CYFIP1: variants seen among roughly 807,000 people sequenced by gnomAD.
CYFIP1 encodes the protein cytoplasmic FMR1-interacting protein 1.
Under a neutral mutation model 163.5 loss-of-function variants are expected in CYFIP1, and 58 were observed. The ratio of observed to expected loss-of-function variants is 0.35; its 90% CI spans 0.29 to 0.44. The LOEUF (loss-of-function observed/expected upper bound fraction) is 0.44, where lower values mean the gene tolerates loss of function less well. Among genes scored for constraint, CYFIP1 ranks in the 20% least tolerant of loss-of-function variants. CYFIP1 has a pLI of 1.00. For synonymous variants in CYFIP1, 663 were observed against 660.7 expected, an observed-to-expected ratio of 1.00 and a Z score of -0.05; for missense variants, 1,338 against 1,653.8, an observed-to-expected ratio of 0.81 and a Z score of 3.31.
chr15:22,927,928 C>G lies in CYFIP1; in HGVS notation c.1211G>C (p.Trp404Ser). 6.2e-7 allele frequency: 1 copy of G among 1,606,772 alleles called. No homozygotes were observed. Among genetic ancestry groups the G allele is most frequent in the Non-Finnish European group, 8.5e-7 (1 of 1,178,146 alleles). Residue 404 changes from tryptophan (W) to serine (S), a missense_variant, in exon 12 of 31, where the codon TGG becomes TCG. Physicochemically the swap from Trp to Ser is radical, Grantham distance 177. Coordinates refer to ENST00000617928, the MANE Select transcript of CYFIP1 (RefSeq NM_014608.6). ...ALQGLQLLSQ[W>S]SAHVMEVYSW... ...TACCACTTCCATCACGTGCGCGCTC[C>G]ACTGCGACAACAGCTGCAGGCCCTG...
chr15:22,917,452 C>T lies in CYFIP1; in HGVS notation c.1674+336G>A, dbSNP rs536531917. ...CATCTACAGTCATTTGCAGACCCAACGTAAAAATTATACAGACATTCAAAC... is the reference window on the plus strand; with the variant it reads ...CATCTACAGTCATTTGCAGACCCAATGTAAAAATTATACAGACATTCAAAC... On this transcript the variant is annotated intron_variant, in intron 15 of 30. Coordinates refer to ENST00000617928, the MANE Select transcript of CYFIP1 (RefSeq NM_014608.6). The surrounding 1 kb of genome is among the most constrained non-coding windows in gnomAD (Gnocchi z 4.2). 101 of 534,612 alleles carry T rather than the reference C, an allele frequency of 1.9e-4. No homozygotes were observed. The highest frequency in any genetic ancestry group is 1.6e-3 in the African/African-American group (79 of 50,752). The allele number at this position is 534,612 out of a possible 1,614,324, so 33.1% of individuals were successfully genotyped here.
At chr15:22,970,978 A>T (rs759375587) in intron 1 of CYFIP1, among the ~76,000 whole-genome samples, 8 of 152,100 alleles carry the variant, frequency 5.3e-5, no homozygotes, top group Non-Finnish European at 7.4e-5. Flanking sequence ...AGAGAGGCTG[A>T]GGCAGGAGAA....
chr15:22,888,688 C>T (rs72622091), intron 23 of CYFIP1, among the ~76,000 whole-genome samples: 7,715 of 148,348 alleles, frequency 0.052, 520 homozygotes, highest in East Asian at 0.38. Flanking sequence ...ACTGTGATTG[C>T]GCCACTGCAA....
At chr15:22,903,209 T>G (rs939630736) in intron 22 of CYFIP1, among the ~76,000 whole-genome samples, 4 of 152,120 alleles carry the variant, frequency 2.6e-5, no homozygotes, top group Admixed American at 2.0e-4. Flanking sequence ...CTGAGCTCAG[T>G]GAGCAGAGAA....
Position 22,908,772 on chromosome 15 carries a change from A to G in CYFIP1, c.2388+422T>C, listed in dbSNP as rs935317423. On this transcript the variant is annotated intron_variant, in intron 21 of 30. Coordinates refer to ENST00000617928, the MANE Select transcript of CYFIP1 (RefSeq NM_014608.6). Reference sequence around the variant, plus strand: ...TCAAACTCCTGACCTCAAATGATCCACCCCCGCAGGCCTCCCAAAGTGCTG... The same window carrying G: ...TCAAACTCCTGACCTCAAATGATCCGCCCCCGCAGGCCTCCCAAAGTGCTG... Among the ~76,000 whole-genome samples the G allele has an allele frequency of 2.6e-5, 4 of 151,140 alleles. No homozygotes were observed. In the East Asian group the frequency reaches 5.8e-4, roughly 22 times the overall value.
intron 5 of CYFIP1, 95 bp downstream of exon 5, chr15:22,944,463 C>T: frequency 1.2e-6 from 1 of 807,666 alleles, no homozygotes; most frequent in Non-Finnish European, 2.0e-6. Context: ...TGCAGGCACT[C>T]TGTTCAGGGT....
intron 29 of CYFIP1, 102 bp from the exon 30 acceptor site, chr15:22,873,074 T>G: frequency 7.7e-7 from 1 of 1,299,342 alleles, no homozygotes; most frequent in Non-Finnish European, 1.1e-6. Context: ...TCTGCATTAC[T>G]GTCTGTGCCT....
chr15:22,922,076 C>T (rs1192637333), intron 13 of CYFIP1, among the ~76,000 whole-genome samples: 1 of 152,124 alleles, frequency 6.6e-6, no homozygotes, highest in Non-Finnish European at 1.5e-5. Flanking sequence ...GAGAATGAAA[C>T]TCCGCACATC....
intron 16 of CYFIP1, 73 bp downstream of exon 16, chr15:22,916,404 G>A (rs2060982910): frequency 1.7e-6 from 2 of 1,176,690 alleles, no homozygotes; most frequent in Admixed American, 1.9e-5. Context: ...GGTCAGGCGG[G>A]CGGAAGCATT....
chr15:22,959,741 C>T (rs1485235031), intron 1 of CYFIP1, among the ~76,000 whole-genome samples: 2 of 152,162 alleles, frequency 1.3e-5, no homozygotes, highest in Non-Finnish European at 1.5e-5. Context: ...GGTCCTGCGG[C>T]GCCCGGCTGA....
At chr15:22,935,996 G>A (rs2061699436) in intron 9 of CYFIP1, among the ~76,000 whole-genome samples, 1 of 152,168 alleles carries the variant, frequency 6.6e-6, no homozygotes, top group Non-Finnish European at 1.5e-5. Flanking sequence ...GTAAGGCCAG[G>A]TGCAGTGGCT....
chr15:22,940,307 G>A (rs1475068426), intron 6 of CYFIP1, among the ~76,000 whole-genome samples: 2 of 152,194 alleles, frequency 1.3e-5, no homozygotes, highest in African/African-American at 4.8e-5. Flanking sequence ...CTGCATTTCT[G>A]TGGAACACAC....
rs1039000123 is a variant in CYFIP1 at position 22,906,753 on chromosome 15, C to T, written c.2388+2441G>A. Reference sequence around the variant, plus strand: ...GTGCTGGGATTACAGCCGTGAGCCACAGCGCCCGGCCAGCAACTACTACTT... The same window carrying T: ...GTGCTGGGATTACAGCCGTGAGCCATAGCGCCCGGCCAGCAACTACTACTT... On this transcript the variant is annotated intron_variant, in intron 21 of 30. Coordinates refer to ENST00000617928, the MANE Select transcript of CYFIP1 (RefSeq NM_014608.6). Among the ~76,000 whole-genome samples the T allele has an allele frequency of 3.3e-5, 5 of 152,218 alleles. 1 individual carries two copies. Among genetic ancestry groups the T allele is most frequent in the Non-Finnish European group, 7.3e-5 (5 of 68,038 alleles).
At chr15:22,881,725 A>C in intron 25 of CYFIP1, 121 bp downstream of exon 25, 1 of 893,106 alleles carries the variant, frequency 1.1e-6, no homozygotes, top group South Asian at 1.6e-5. Flanking sequence ...TGTAAGGTGC[A>C]TTTGTCTGTC....
intron 22 of CYFIP1, among the ~76,000 whole-genome samples, chr15:22,901,837 C>A (rs1273132281): frequency 1.3e-5 from 2 of 152,212 alleles, no homozygotes; most frequent in Non-Finnish European, 2.9e-5. Context: ...TTTTAAAATG[C>A]CTTTCCCAGA....
rs1475782619 is a variant in CYFIP1, at chr15:22,939,207, T to C, written c.780A>G (p.Lys260=). 6.2e-7 allele frequency: 1 copy of C among 1,614,158 alleles called. No homozygotes were observed. The highest frequency in any genetic ancestry group is 2.2e-5 in the East Asian group (1 of 44,882). Residue 260 remains lysine (K), a synonymous_variant, in exon 8 of 31, where the codon AAA becomes AAG. Coordinates refer to ENST00000617928, the MANE Select transcript of CYFIP1 (RefSeq NM_014608.6). ...ACACACGTACTTTGAGAAGCATGTG[T>C]TTCTCACTGGGCGTCAAATACATCC... The part of the protein sequence containing the change: ...ENRMYLTPSE[K]HMLLKVMGFG...
At chr15:22,939,379 C>A (rs745737420) in intron 7 of CYFIP1, 32 bp downstream of exon 7, 1 of 1,614,014 alleles carries the variant, frequency 6.2e-7, no homozygotes, top group South Asian at 1.1e-5. Context: ...CTGCTTGGCC[C>A]ATCAACCTGA....
rs2141732579 is a variant in CYFIP1, at chr15:22,867,684, T to TC, written c.*2343_*2344insG. The TC allele has an allele frequency of 7.8e-6, 1 of 127,498 alleles. No homozygotes were observed. The highest frequency in any genetic ancestry group is 2.7e-5 in the African/African-American group (1 of 37,268). 7.9% of individuals were successfully genotyped at this position (127,498 alleles called of 1,614,324 possible). A position where few individuals can be genotyped will look rare whatever the true frequency, so the allele number is the denominator to read the frequency against. On this transcript the variant is annotated 3_prime_UTR_variant, in exon 31 of 31. Transcript: ENST00000617928. ...GAAATAGAAGACTAGGGTTGTTTCT[T>TC]AAATTTAGCTCATGTTATAATAAAA...
At chr15:22,913,854 T>A (rs909819155) in intron 17 of CYFIP1, among the ~76,000 whole-genome samples, 1 of 152,086 alleles carries the variant, frequency 6.6e-6, no homozygotes, top group African/African-American at 2.4e-5. Flanking sequence ...GGCATGGCCA[T>A]GCCACAGCCA....
Sources: allele counts gnomAD v4.1 joint callset (sites outside exome capture counted in the v4.1 genomes callset), GRCh38; gene constraint gnomAD v4.1.1; non-coding constraint Gnocchi (gnomAD v3.1); transcripts MANE v1.5; gene names NCBI Gene and HGNC (gene_info 2026-07-23, HGNC 2026-07-21).